The following CSMD1 variants were observed in gnomAD, a reference collection of about 807,000 sequenced individuals.
CSMD1 encodes CUB and sushi domain-containing protein 1.
Under a neutral mutation model 417.5 loss-of-function variants are expected in CSMD1, and 213 were observed. That is an observed-to-expected ratio of 0.51 (90% CI 0.46 to 0.57). The LOEUF (loss-of-function observed/expected upper bound fraction) is 0.57, where lower values mean the gene tolerates loss of function less well. Among genes scored for constraint, CSMD1 ranks in the 20% least tolerant of loss-of-function variants. CSMD1 has a pLI of 0.00. For synonymous variants in CSMD1, 2,862 were observed against 1,736.8 expected, an observed-to-expected ratio of 1.65 and a Z score of -16.11; for missense variants, 6,923 against 4,529.7, an observed-to-expected ratio of 1.53 and a Z score of -15.17.
chr8:4,713,463 G>A (rs1808443857), intron 1 of CSMD1, among the ~76,000 whole-genome samples: 2 of 151,984 alleles, frequency 1.3e-5, no homozygotes, highest in South Asian at 4.2e-4. Flanking sequence ...GTGCAGTGGC[G>A]CGATACCGGC....
rs141023336 is a variant in CSMD1, at chr8:3,144,502, T to G, written c.6032-1828A>C. ...AATTTAGAATTCTTTTTAGAATGAG[T>G]AACTAGATTCATATCACGTTGTCCA... On this transcript the variant is annotated intron_variant, in intron 40 of 69. Transcript: ENST00000635120. Among the ~76,000 whole-genome samples the G allele has an allele frequency of 5.7e-4, 86 of 152,120 alleles. 1 individual carries two copies. The highest frequency in any genetic ancestry group is 2.0e-3 in the African/African-American group (82 of 41,510).
chr8:3,921,258 T>C (rs983179145), intron 5 of CSMD1, among the ~76,000 whole-genome samples: 1 of 152,154 alleles, frequency 6.6e-6, no homozygotes, highest in African/African-American at 2.4e-5. Flanking sequence ...ATACCTGTTG[T>C]AGTATCACCT....
At chr8:3,270,557 G>T (rs769012007) in intron 26 of CSMD1, among the ~76,000 whole-genome samples, 5 of 152,122 alleles carry the variant, frequency 3.3e-5, no homozygotes, top group Non-Finnish European at 5.9e-5. Flanking sequence ...AAGAGTAAAA[G>T]AACTTTATCA....
In CSMD1 at chr8:4,498,287, G is replaced by C. The variant is rs569404400; in HGVS notation, c.303-78222C>G. Among the ~76,000 whole-genome samples the C allele has an allele frequency of 6.4e-4, 98 of 152,230 alleles. 1 individual carries two copies. The highest frequency in any genetic ancestry group is 2.3e-3 in the African/African-American group (96 of 41,538). ...AAACTACTTGTTTCCAAGGTTATTT[G>C]TGAGTGAGGTTGATTTCTATTTTAT... On this transcript the variant is annotated intron_variant, in intron 2 of 69. Coordinates refer to ENST00000635120, the MANE Select transcript of CSMD1 (RefSeq NM_033225.6).
At chr8:2,961,090 A>G (rs1803433791) in intron 62 of CSMD1, 51 bp downstream of exon 62, 2 of 1,263,802 alleles carry the variant, frequency 1.6e-6, no homozygotes, top group African/African-American at 1.5e-5. Flanking sequence ...TAAGTAACAA[A>G]TATATTTTAT....
intron 1 of CSMD1, among the ~76,000 whole-genome samples, chr8:4,888,889 C>G (rs1175893260): frequency 6.6e-6 from 1 of 151,900 alleles, no homozygotes; most frequent in African/African-American, 2.4e-5. Context: ...GATTTGTAAC[C>G]CATACATTCA....
In CSMD1 at chr8:3,128,958, G is replaced by C. The variant is rs148142221; in HGVS notation, c.6242-10371C>G. On this transcript the variant is annotated intron_variant, in intron 41 of 69. Transcript: ENST00000635120. Reference sequence around the variant, plus strand: ...AGGGTATCTCACAAATCCTTTAAAAGCTGCGTGACAAACAATACTAGCATG... The same window carrying C: ...AGGGTATCTCACAAATCCTTTAAAACCTGCGTGACAAACAATACTAGCATG... 1.7e-3 allele frequency: 706 copies of C among 422,882 alleles called. 4 individuals are homozygous for C. The highest frequency in any genetic ancestry group is 0.014 in the African/African-American group (675 of 48,026). 26.2% of individuals were successfully genotyped at this position (422,882 alleles called of 1,614,324 possible). A position where few individuals can be genotyped will look rare whatever the true frequency, so the allele number is the denominator to read the frequency against.
intron 3 of CSMD1, among the ~76,000 whole-genome samples, chr8:4,177,109 C>A (rs1798092316): frequency 6.6e-6 from 1 of 152,168 alleles, no homozygotes; most frequent in Non-Finnish European, 1.5e-5. Context: ...CTCTCCACCC[C>A]AAATCAACAG....
chr8:3,544,862 T>C (rs757706757), intron 10 of CSMD1, among the ~76,000 whole-genome samples: 7 of 152,216 alleles, frequency 4.6e-5, no homozygotes, highest in East Asian at 1.9e-4. Context: ...CTTACAGCTA[T>C]AGTAAGTAAA....
At position 3,651,787 on chromosome 8, in the gene CSMD1, C is replaced by A. The variant is rs981449106; in HGVS notation, c.1010-34990G>T. On this transcript the variant is annotated intron_variant, in intron 7 of 69. Transcript: ENST00000635120. ...AACAGAGCGCCTACCACCATCAGAG[C>A]ACCCACCACCATCGCACTTACCACC... 2.6e-5 allele frequency among the ~76,000 whole-genome samples: 4 copies of A among 151,464 alleles called. No individual in the cohort carries two copies. In the East Asian group the frequency reaches 7.8e-4, roughly 30 times the overall value.
At chr8:3,169,520 G>A (rs752027208) in intron 37 of CSMD1, among the ~76,000 whole-genome samples, 5 of 151,918 alleles carry the variant, frequency 3.3e-5, no homozygotes, top group Non-Finnish European at 4.4e-5. Flanking sequence ...GCTAGGAGTA[G>A]CAAACAGACA....
intron 6 of CSMD1, among the ~76,000 whole-genome samples, chr8:3,719,829 C>T (rs1041256271): frequency 6.6e-6 from 1 of 152,212 alleles, no homozygotes; most frequent in African/African-American, 2.4e-5. Context: ...AAATCTCCCT[C>T]ACAGTGGGGA....
At chr8:3,065,303 G>GTAGA (rs78833976) in intron 49 of CSMD1, among the ~76,000 whole-genome samples, 63,573 of 149,188 alleles carry the variant, frequency 0.43, 13,726 homozygotes, top group Non-Finnish European at 0.45. Flanking sequence ...AGATAGATAG[G>GTAGA]TAGATAGATA....
intron 6 of CSMD1, among the ~76,000 whole-genome samples, chr8:3,745,765 C>G (rs73187292): frequency 0.061 from 9,263 of 152,230 alleles, 410 homozygotes; most frequent in African/African-American, 0.12. Context: ...ATTTCAGAAG[C>G]CTGATTCAGA....
chr8:4,088,428 C>A (rs1026723839), intron 3 of CSMD1, among the ~76,000 whole-genome samples: 7 of 152,222 alleles, frequency 4.6e-5, no homozygotes, highest in Admixed American at 2.0e-4. Flanking sequence ...TCCAAACTCA[C>A]TGAATTTCTC....
intron 1 of CSMD1, among the ~76,000 whole-genome samples, chr8:4,660,896 A>T (rs1314806426): frequency 6.6e-6 from 1 of 152,198 alleles, no homozygotes. Flanking sequence ...AGGGAAATGC[A>T]AATTACAACT....
intron 1 of CSMD1, among the ~76,000 whole-genome samples, chr8:4,705,540 G>T (rs1217248491): frequency 1.3e-5 from 2 of 152,292 alleles, no homozygotes; most frequent in African/African-American, 2.4e-5. Context: ...TTTACCCCTA[G>T]ATTCTACTAC....
chr8:4,663,418 C>G (rs1804728018), intron 1 of CSMD1, among the ~76,000 whole-genome samples: 1 of 152,116 alleles, frequency 6.6e-6, no homozygotes, highest in African/African-American at 2.4e-5. Flanking sequence ...GGTCAATGTC[C>G]CTGCCGAAAT....
intron 50 of CSMD1, among the ~76,000 whole-genome samples, chr8:3,036,134 A>G (rs1205578636): frequency 6.6e-6 from 1 of 152,238 alleles, no homozygotes; most frequent in Non-Finnish European, 1.5e-5. Context: ...AACACAAAAT[A>G]CTTTGCATTT....
Sources: allele counts gnomAD v4.1 joint callset (sites outside exome capture counted in the v4.1 genomes callset), GRCh38; gene constraint gnomAD v4.1.1; transcripts MANE v1.5; gene names NCBI Gene and HGNC (gene_info 2026-07-23, HGNC 2026-07-21).